The following CCDC57 variants were observed in gnomAD, a reference collection of about 807,000 sequenced individuals.
CCDC57 encodes coiled-coil domain containing 57.
CCDC57 carries 118 observed loss-of-function variants against 118.9 expected under a neutral mutation model. That is an observed-to-expected ratio of 0.99 (90% CI 0.86 to 1.16). CCDC57 has a LOEUF of 1.16. Ranked by LOEUF, CCDC57 falls within the 50% of genes most tolerant of loss-of-function variation. The pLI, the probability that CCDC57 is intolerant of heterozygous loss-of-function variation, is 0.00. For synonymous variants in CCDC57, 527 were observed against 532.9 expected, an observed-to-expected ratio of 0.99 and a Z score of 0.15; for missense variants, 1,300 against 1,320.7, an observed-to-expected ratio of 0.98 and a Z score of 0.24.
chr17:82,126,700 C>T lies in CCDC57; in HGVS notation c.2899+992G>A, dbSNP rs570484663. On this transcript the variant is annotated intron_variant, in intron 19 of 19. Coordinates refer to ENST00000665763, the Ensembl canonical transcript of CCDC57. ...AGGCGATGCTGTCCACCACACGTGG[C>T]ACGCGGGCAGCCTTGACTACGCAAG... 2.8e-5 allele frequency: 28 copies of T among 985,460 alleles called. No individual in the cohort carries two copies. The East Asian group carries it at 2.3e-3, about 80-fold the overall frequency. 61.0% of individuals were successfully genotyped at this position (985,460 alleles called of 1,614,324 possible).
chr17:82,208,586 G>A (rs947355422), intron 1 of CCDC57, among the ~76,000 whole-genome samples: 1 of 152,072 alleles, frequency 6.6e-6, no homozygotes, highest in Non-Finnish European at 1.5e-5. Context: ...CACTTCCTGG[G>A]ACTGGAAGGC....
Position 82,106,899 on chromosome 17 carries a change from C to T in CCDC57, c.2900-5033G>A, listed in dbSNP as rs2034887890. ...GGCCTTCCCAGGTCTGCCAGGCCAG[C>T]TTACAGCTCCAGGTGGGCACCCTAG... On this transcript the variant is annotated intron_variant, in intron 19 of 19. Transcript: ENST00000665763. 1.3e-5 allele frequency among the ~76,000 whole-genome samples: 2 copies of T among 152,204 alleles called. 1 individual carries two copies. The highest frequency in any genetic ancestry group is 4.1e-4 in the South Asian group (2 of 4,830).
intron 5 of CCDC57, 170 bp from the exon 5 acceptor site, chr17:82,194,309 C>CTGT: frequency 1.9e-6 from 1 of 517,614 alleles, no homozygotes; most frequent in East Asian, 3.6e-5. Context: ...GACTCAATGA[C>CTGT]TTTTTTTTTT....
rs1045668928 is a variant in CCDC57, at chr17:82,198,207, C to G, written c.516+107G>C. The G allele has an allele frequency of 1.6e-5, 10 of 643,614 alleles. No individual in the cohort carries two copies. The African/African-American group carries it at 1.9e-4, about 12-fold the overall frequency. The allele number at this position is 643,614 out of a possible 1,614,324, so 39.9% of individuals were successfully genotyped here. On this transcript the variant is annotated intron_variant, in intron 4 of 19. Coordinates refer to ENST00000665763, the Ensembl canonical transcript of CCDC57. ...CCCCATTTTACTCCCAAGGAGAATGCAGGCAATGAACCAAATGGTTGTCTT... is the reference window on the plus strand; with the variant it reads ...CCCCATTTTACTCCCAAGGAGAATGGAGGCAATGAACCAAATGGTTGTCTT...
intron 19 of CCDC57, chr17:82,127,167 G>GC (rs1298383984): frequency 1.0e-6 from 1 of 985,332 alleles, no homozygotes; most frequent in Admixed American, 6.1e-5. Context: ...TCTCAGGGCG[G>GC]CAACGTCCGC....
chr17:82,189,950 C>T (rs2047449733), intron 7 of CCDC57, among the ~76,000 whole-genome samples: 1 of 152,030 alleles, frequency 6.6e-6, no homozygotes, highest in South Asian at 2.1e-4. Flanking sequence ...GCGGAGGTTG[C>T]AGTGAGCCGA....
At chr17:82,187,110 G>A (rs1476811341) in intron 8 of CCDC57, among the ~76,000 whole-genome samples, 1 of 151,134 alleles carries the variant, frequency 6.6e-6, no homozygotes, top group African/African-American at 2.4e-5. Flanking sequence ...AGTGGTATAT[G>A]CCCGTAATGC....
chr17:82,207,907 G>A (rs1268348623), exon 2 of CCDC57: 1 of 152,152 alleles, frequency 6.6e-6, no homozygotes, highest in Non-Finnish European at 1.5e-5. Flanking sequence ...GACACCCGCC[G>A]AGTCTGCGGC....
At chr17:82,198,716 C>T (rs1022264003) in intron 3 of CCDC57, among the ~76,000 whole-genome samples, 1 of 151,912 alleles carries the variant, frequency 6.6e-6, no homozygotes, top group African/African-American at 2.4e-5. Flanking sequence ...TCTGACCAGG[C>T]CCAGTGGCTC....
At chr17:82,119,354 A>G (rs2036358826) in intron 19 of CCDC57, among the ~76,000 whole-genome samples, 1 of 151,572 alleles carries the variant, frequency 6.6e-6, no homozygotes, top group Non-Finnish European at 1.5e-5. Flanking sequence ...GGGGCCTCCC[A>G]TGCTCCCATC....
At chr17:82,175,943 A>G (rs1349872079) in intron 11 of CCDC57, among the ~76,000 whole-genome samples, 1 of 152,212 alleles carries the variant, frequency 6.6e-6, no homozygotes, top group Non-Finnish European at 1.5e-5. Context: ...GAGGTCTGGG[A>G]GCATCCCCTC....
intron 2 of CCDC57, among the ~76,000 whole-genome samples, chr17:82,205,742 G>A (rs2146974856): frequency 6.6e-6 from 1 of 152,334 alleles, no homozygotes; most frequent in Admixed American, 6.5e-5. Flanking sequence ...CTGCACAGAA[G>A]AGCAGCCTGA....
At chr17:82,181,599 T>C (rs1182470361) in intron 9 of CCDC57, among the ~76,000 whole-genome samples, 2 of 152,150 alleles carry the variant, frequency 1.3e-5, no homozygotes, top group African/African-American at 4.8e-5. Flanking sequence ...CTCTCTCCAG[T>C]AGAAAAATCA....
intron 13 of CCDC57, among the ~76,000 whole-genome samples, chr17:82,167,921 A>G (rs1416879627): frequency 6.6e-6 from 1 of 152,216 alleles, no homozygotes; most frequent in Admixed American, 6.5e-5. Flanking sequence ...CGGCCTGTCA[A>G]CGTAATTTTA....
chr17:82,156,889 C>T (rs1451028226), intron 15 of CCDC57: 1 of 152,370 alleles, frequency 6.6e-6, no homozygotes, highest in Non-Finnish European at 1.5e-5. Context: ...TGGGGATCTG[C>T]TCCCCAAGCA....
In CCDC57 at chr17:82,120,626, C is replaced by T. The variant is rs369179547; in HGVS notation, c.2899+7066G>A. ...GTTAAGCATGCTCAAATATTCAAAA[C>T]ACAAGGAAAGCATCAAGATACTTCG... On this transcript the variant is annotated intron_variant, in intron 19 of 19. Transcript: ENST00000665763. Among the ~76,000 whole-genome samples the T allele has an allele frequency of 8.5e-5, 13 of 152,328 alleles. No homozygotes were observed. In the South Asian group the frequency reaches 2.5e-3, roughly 29 times the overall value.
At chr17:82,175,526 C>G (rs910376310) in intron 11 of CCDC57, 7 of 152,232 alleles carry the variant, frequency 4.6e-5, no homozygotes, top group Admixed American at 4.6e-4. Context: ...AGAGGCTCAT[C>G]AGAAATTCAA....
intron 19 of CCDC57, chr17:82,104,729 CG>C: frequency 6.6e-6 from 1 of 152,272 alleles, no homozygotes; most frequent in East Asian, 1.9e-4. Flanking sequence ...TTAATAGAGA[CG>C]GGGTTTCACC....
intron 13 of CCDC57, among the ~76,000 whole-genome samples, chr17:82,165,544 G>A (rs1488343394): frequency 6.6e-6 from 1 of 152,024 alleles, no homozygotes; most frequent in Non-Finnish European, 1.5e-5. Context: ...CAAGAAGACG[G>A]GGACGTGCAG....
Sources: gnomAD v4.1 joint callset for allele counts (sites outside exome capture counted in the v4.1 genomes callset) on GRCh38, gnomAD v4.1.1 for gene constraint, MANE v1.5 for transcripts, NCBI Gene and HGNC (gene_info 2026-07-23, HGNC 2026-07-21) for gene names.